FAT3: variants seen among roughly 807,000 people sequenced by gnomAD.
The protein encoded by FAT3 is protocadherin Fat 3.
A neutral mutation model predicts 310.2 loss-of-function variants in FAT3; 95 were observed. The ratio of observed to expected loss-of-function variants is 0.31; its 90% CI spans 0.26 to 0.36. The LOEUF is 0.36. Among genes scored for constraint, FAT3 ranks in the 10% least tolerant of loss-of-function variants. The pLI is 1.00. For synonymous variants in FAT3, 2,314 were observed against 2,192.9 expected, an observed-to-expected ratio of 1.06 and a Z score of -1.54; for missense variants, 5,408 against 5,715.6, an observed-to-expected ratio of 0.95 and a Z score of 1.74.
chr11:92,291,517 T>C (rs554799812), intron 1 of FAT3, among the ~76,000 whole-genome samples: 4 of 152,268 alleles, frequency 2.6e-5, no homozygotes, highest in African/African-American at 9.6e-5. Context: ...AGAAACTCAG[T>C]TGGAAAGAGG....
Position 92,381,750 on chromosome 11 carries a change from A to C in FAT3, c.3292+26346A>C, listed in dbSNP as rs536379433. 3.0e-4 allele frequency among the ~76,000 whole-genome samples: 45 copies of C among 152,346 alleles called. No homozygotes were observed. In the South Asian group the frequency reaches 8.7e-3, roughly 29 times the overall value. On this transcript the variant is annotated intron_variant, in intron 2 of 27. Transcript: ENST00000525166. ...GGATTTTTTGGTGAATTATATTAAC[A>C]GTCCAGGAAAAATGAAAAAATTATT...
intron 2 of FAT3, among the ~76,000 whole-genome samples, chr11:92,476,193 T>C (rs1467665797): frequency 6.6e-6 from 1 of 152,122 alleles, no homozygotes; most frequent in Admixed American, 6.5e-5. Context: ...GGGATACGCA[T>C]ATCAAGAAAG....
chr11:92,844,189 C>G lies in FAT3; in HGVS notation c.10822C>G (p.Leu3608Val). ...CAGTCACGATGGGAAAATCATCGCC[C>G]TGGGAGGCCTGGACAGCGGCAAGTA... ...VNSHDGKIIA[L>V]GGLDSGKYVL... Residue 3608 changes from leucine to valine, a missense_variant, in exon 19 of 28, where the codon CTG becomes GTG. By Grantham distance (32) the Leu-to-Val change is conservative. This residue lies in a region of FAT3 where 4,588 missense variants were observed against 4,809.8 expected (regional missense o/e 0.95). Coordinates refer to ENST00000525166, the MANE Select transcript of FAT3 (RefSeq NM_001367949.2). The G allele has an allele frequency of 6.2e-7, 1 of 1,614,056 alleles. No homozygotes were observed.
intron 3 of FAT3, among the ~76,000 whole-genome samples, chr11:92,525,947 G>A (rs1023195581): frequency 6.6e-6 from 1 of 152,196 alleles, no homozygotes; most frequent in Non-Finnish European, 1.5e-5. Context: ...GAAAGAGAAT[G>A]TCAGGGTTTA....
chr11:92,559,382 CCT>C, intron 3 of FAT3: 1 of 163,694 alleles, frequency 6.1e-6, no homozygotes, highest in Non-Finnish European at 1.2e-5. Flanking sequence ...TACTTATTTT[CCT>C]TTTTTTTTTT....
At position 92,262,882 on chromosome 11, in the gene FAT3, A is replaced by G. The variant is rs182528206; in HGVS notation, c.-18+37708A>G. On this transcript the variant is annotated intron_variant, in intron 1 of 27. Coordinates refer to ENST00000525166, the MANE Select transcript of FAT3 (RefSeq NM_001367949.2). ...TGCTTGCCAGTGCTGTCATATAAAT[A>G]AAAGAATACAGAATCATAGAGGCAA... is the stretch of plus-strand genomic sequence containing the variant. 1.1e-3 allele frequency among the ~76,000 whole-genome samples: 173 copies of G among 152,228 alleles called. 1 individual carries two copies. The highest frequency in any genetic ancestry group is 3.4e-3 in the Middle Eastern group (1 of 294).
At chr11:92,514,021 A>T (rs1374767002) in intron 2 of FAT3, among the ~76,000 whole-genome samples, 1 of 152,166 alleles carries the variant, frequency 6.6e-6, no homozygotes, top group South Asian at 2.1e-4. Flanking sequence ...TATTTATCTA[A>T]TTATGAACAG....
At chr11:92,705,832 A>T (rs1343514743) in intron 4 of FAT3, among the ~76,000 whole-genome samples, 2 of 9,922 alleles carry the variant, frequency 2.0e-4, no homozygotes, top group Admixed American at 1.2e-3. Context: ...GGTGGTGGTG[A>T]TGGTGGTGGT....
intron 3 of FAT3, among the ~76,000 whole-genome samples, chr11:92,646,533 C>G (rs1235811530): frequency 6.6e-6 from 1 of 152,162 alleles, no homozygotes; most frequent in Non-Finnish European, 1.5e-5. Context: ...TTCATACCAG[C>G]TAGTTGAAGG....
chr11:92,751,063 CACAGG>C, intron 4 of FAT3, among the ~76,000 whole-genome samples: 1 of 152,270 alleles, frequency 6.6e-6, no homozygotes, highest in South Asian at 2.1e-4. Context: ...GCCATCCCTG[CACAGG>C]ACATGCTGAA....
rs1169048990 is a variant in FAT3, at chr11:92,828,087, C to G, written c.9482-3535C>G. On this transcript the variant is annotated intron_variant, in intron 13 of 27. Coordinates refer to ENST00000525166, the MANE Select transcript of FAT3 (RefSeq NM_001367949.2). ...AACACATCATGACATGCAGTAGGAG[C>G]ATTAGACCAATTAGCAAGCAAGTCT... Among the ~76,000 whole-genome samples, 5 of 152,076 alleles carry G rather than the reference C, an allele frequency of 3.3e-5. No individual in the cohort carries two copies. In the East Asian group the frequency reaches 9.7e-4, roughly 29 times the overall value.
chr11:92,369,229 G>A (rs902399417), intron 2 of FAT3, among the ~76,000 whole-genome samples: 1 of 152,132 alleles, frequency 6.6e-6, no homozygotes, highest in Non-Finnish European at 1.5e-5. Context: ...CTGGGGCTTG[G>A]AAGTGTTGGC....
intron 4 of FAT3, among the ~76,000 whole-genome samples, chr11:92,760,790 T>G (rs1171810603): frequency 6.6e-6 from 1 of 152,116 alleles, no homozygotes; most frequent in Non-Finnish European, 1.5e-5. Flanking sequence ...TCACTATGAC[T>G]AATAAGAAAA....
intron 3 of FAT3, among the ~76,000 whole-genome samples, chr11:92,553,245 A>G (rs764764356): frequency 2.0e-4 from 31 of 152,216 alleles, no homozygotes; most frequent in Admixed American, 9.8e-4. Flanking sequence ...CAAAGGTCAC[A>G]TCTTGTTCAT....
At chr11:92,688,059 C>T (rs1233840596) in intron 3 of FAT3, among the ~76,000 whole-genome samples, 1 of 151,688 alleles carries the variant, frequency 6.6e-6, no homozygotes, top group Non-Finnish European at 1.5e-5. Context: ...TTTTAACTAG[C>T]TGGGGATGAT....
chr11:92,422,233 C>G (rs1441117570), intron 2 of FAT3, among the ~76,000 whole-genome samples: 3 of 152,168 alleles, frequency 2.0e-5, no homozygotes, highest in Admixed American at 6.5e-5. Context: ...CAACCTCTTT[C>G]CACAACAATT....
rs116828598 is a variant in FAT3 at position 92,326,776 on chromosome 11, A to G, written c.-17-25320A>G. ...AGCCTCTATCCCTGCTTCATCAGAA[A>G]CTGGAGTCTTATTTTCTATTGGCTA... is the stretch of plus-strand genomic sequence containing the variant. On this transcript the variant is annotated intron_variant, in intron 1 of 27. Coordinates refer to ENST00000525166, the MANE Select transcript of FAT3 (RefSeq NM_001367949.2). Among the ~76,000 whole-genome samples the G allele has an allele frequency of 4.5e-3, 679 of 152,314 alleles. 9 individuals are homozygous for G. Among genetic ancestry groups the G allele is most frequent in the African/African-American group, 0.015 (641 of 41,566 alleles).
intron 1 of FAT3, among the ~76,000 whole-genome samples, chr11:92,303,063 T>C (rs2134430520): frequency 6.6e-6 from 1 of 152,236 alleles, no homozygotes; most frequent in Non-Finnish European, 1.5e-5. Context: ...GTTTAGCATC[T>C]ACCGAAGTAG....
At chr11:92,793,082 CTAAA>C in intron 9 of FAT3, 105 bp downstream of exon 9, 1 of 1,231,954 alleles carries the variant, frequency 8.1e-7, no homozygotes, top group Admixed American at 2.4e-5. Context: ...TGGAACATCT[CTAAA>C]TGAACTTTTT....
Sources: allele counts gnomAD v4.1 joint callset (sites outside exome capture counted in the v4.1 genomes callset), GRCh38; gene constraint gnomAD v4.1.1; regional missense constraint gnomAD v4.1.1; transcripts MANE v1.5; gene names NCBI Gene and HGNC (gene_info 2026-07-23, HGNC 2026-07-21).